R3HDM2: variants seen among roughly 807,000 people sequenced by gnomAD.
R3HDM2 encodes the protein R3H domain containing 2, also known as R3H domain-containing protein 2.
R3HDM2 carries 38 observed loss-of-function variants against 124.5 expected under a neutral mutation model. The observed-to-expected ratio is 0.31, with a 90% CI of 0.24 to 0.40. The LOEUF is 0.40. Among genes scored for constraint, R3HDM2 ranks in the 10% least tolerant of loss-of-function variants. R3HDM2 has a pLI of 1.00. For missense variants in R3HDM2, 869 were observed against 1,236.9 expected, an observed-to-expected ratio of 0.70 and a Z score of 4.46; for synonymous variants, 391 against 448.0, an observed-to-expected ratio of 0.87 and a Z score of 1.61.
At chr12:57,267,078 C>T (rs1565872077) in intron 18 of R3HDM2, among the ~76,000 whole-genome samples, 1 of 152,208 alleles carries the variant, frequency 6.6e-6, no homozygotes, top group Non-Finnish European at 1.5e-5. Context: ...GTTAGTGACA[C>T]ATGCTCTTCC....
At chr12:57,429,685 T>G (rs539553444) in intron 1 of R3HDM2, among the ~76,000 whole-genome samples, 11 of 146,960 alleles carry the variant, frequency 7.5e-5, no homozygotes, top group Non-Finnish European at 1.2e-4. Flanking sequence ...TACACTCCAT[T>G]CTGGGTGACA....
chr12:57,297,654 CAT>C (rs1362256255), intron 7 of R3HDM2: 3 of 386,800 alleles, frequency 7.8e-6, no homozygotes, highest in African/African-American at 2.1e-5. Context: ...CTGTTAACAA[CAT>C]ATTCATATAA....
chr12:57,256,919 G>C (rs892702443), intron 21 of R3HDM2, among the ~76,000 whole-genome samples: 1 of 151,666 alleles, frequency 6.6e-6, no homozygotes. Flanking sequence ...CCTGGGAAGC[G>C]ATTCTCCTGC....
At chr12:57,329,114 C>T (rs1384424522) in intron 2 of R3HDM2, among the ~76,000 whole-genome samples, 2 of 152,050 alleles carry the variant, frequency 1.3e-5, no homozygotes, top group Non-Finnish European at 2.9e-5. Context: ...ACTATCTCAA[C>T]ATCCTGGAGC....
intron 13 of R3HDM2, 64 bp downstream of exon 13, chr12:57,283,759 TG>T (rs1306714617): frequency 1.4e-6 from 2 of 1,474,562 alleles, no homozygotes; most frequent in Non-Finnish European, 1.9e-6. Context: ...TAAATATCAG[TG>T]ATGTTTCACA....
chr12:57,355,232 C>T (rs984732849), intron 2 of R3HDM2, among the ~76,000 whole-genome samples: 2 of 151,074 alleles, frequency 1.3e-5, no homozygotes, highest in Non-Finnish European at 3.0e-5. Flanking sequence ...CCGAGGCGGG[C>T]GGATCACGAG....
chr12:57,381,736 AGTGAG>A (rs2064910240), intron 2 of R3HDM2, among the ~76,000 whole-genome samples: 1 of 152,102 alleles, frequency 6.6e-6, no homozygotes, highest in Non-Finnish European at 1.5e-5. Flanking sequence ...TTCACAGGAA[AGTGAG>A]AATTAGGTGG....
At chr12:57,400,426 C>A (rs1165624308) in intron 1 of R3HDM2, among the ~76,000 whole-genome samples, 7 of 151,218 alleles carry the variant, frequency 4.6e-5, no homozygotes, top group Non-Finnish European at 1.0e-4. Flanking sequence ...CACACCGGGG[C>A]CTGTTGTGGG....
chr12:57,283,967 C>T lies in R3HDM2; in HGVS notation c.1028G>A (p.Ser343Asn), dbSNP rs750578485. The change falls in exon 13 of 24, where the codon AGC (serine) becomes AAC (asparagine). Residue 343 changes from serine to asparagine, a missense_variant. This residue lies in a region of R3HDM2 where 267 missense variants were observed against 447.7 expected (regional missense o/e 0.60). Transcript: ENST00000402412. ...GACAGAGCCATCAGAGTCTGTGCTG[C>T]TCCAAGGGCGTGGCTCCAGGGATTT... ...ELKSLEPRPW[S>N]STDSDGSVRS... 1 of 1,614,150 alleles carries T rather than the reference C, an allele frequency of 6.2e-7. No individual in the cohort carries two copies. The highest frequency in any genetic ancestry group is 8.5e-7 in the Non-Finnish European group (1 of 1,180,024).
rs775839017 is a variant in R3HDM2, at chr12:57,371,083, C to CTTTTTTTTTTTTTTTTT, written c.-36+24649_-36+24665dup. Among the ~76,000 whole-genome samples the CTTTTTTTTTTTTTTTTT allele has an allele frequency of 3.9e-4, 16 of 40,898 alleles. 4 individuals carry two copies. Among genetic ancestry groups the CTTTTTTTTTTTTTTTTT allele is most frequent in the Non-Finnish European group, 5.7e-4 (13 of 22,794 alleles). 26.8% of individuals were successfully genotyped at this position (40,898 alleles called of 152,430 possible). On this transcript the variant is annotated intron_variant, in intron 2 of 23. Transcript: ENST00000402412. ...AATGGGAACCAAATATATACCATTA[C>CTTTTTTTTTTTTTTTTT]TTTTTTTTTTTTTTTTTTTTTTTTT... is the stretch of plus-strand genomic sequence containing the variant.
intron 2 of R3HDM2, among the ~76,000 whole-genome samples, chr12:57,373,490 C>T (rs759859556): frequency 5.9e-5 from 9 of 151,344 alleles, no homozygotes; most frequent in Non-Finnish European, 1.3e-4. Flanking sequence ...CAGAGCAAGA[C>T]TCCGTCTCAC....
At chr12:57,345,488 A>G (rs1418279503) in intron 2 of R3HDM2, among the ~76,000 whole-genome samples, 2 of 145,680 alleles carry the variant, frequency 1.4e-5, no homozygotes, top group Non-Finnish European at 3.0e-5. Flanking sequence ...AAATGGCTTC[A>G]TATTTCTTTT....
chr12:57,360,463 C>T (rs1003621116), intron 2 of R3HDM2, among the ~76,000 whole-genome samples: 23 of 151,902 alleles, frequency 1.5e-4, no homozygotes, highest in African/African-American at 5.1e-4. Context: ...GTGAGACCCC[C>T]ATCTCTAAAA....
intron 1 of R3HDM2, among the ~76,000 whole-genome samples, chr12:57,407,382 A>G (rs2068622795): frequency 6.6e-6 from 1 of 152,042 alleles, no homozygotes; most frequent in Non-Finnish European, 1.5e-5. Flanking sequence ...TGAACACCAG[A>G]TATTTAATAT....
intron 1 of R3HDM2, among the ~76,000 whole-genome samples, chr12:57,405,353 T>G (rs2068432358): frequency 6.6e-6 from 1 of 152,220 alleles, no homozygotes; most frequent in African/African-American, 2.4e-5. Context: ...AAGGAAAACC[T>G]ACTGGCTGGG....
chr12:57,260,284 A>AAAAAAAAAAAAAAAAAAAAC (rs2040423380), intron 19 of R3HDM2, among the ~76,000 whole-genome samples: 4 of 147,348 alleles, frequency 2.7e-5, no homozygotes, highest in Non-Finnish European at 4.5e-5. Context: ...AAAAAAAAAA[A>AAAAAAAAAAAAAAAAAAAAC]AGCCTGCTGA....
chr12:57,271,431 C>T (rs1273167069), intron 14 of R3HDM2, among the ~76,000 whole-genome samples: 3 of 142,632 alleles, frequency 2.1e-5, no homozygotes, highest in Non-Finnish European at 4.6e-5. Context: ...GCTCCCTGGA[C>T]AGTAATACAC....
Position 57,268,448 on chromosome 12 carries a change from C to T in R3HDM2, c.1885G>A (p.Gly629Ser). ...TGGACCACATTTTGCGAGTCACTAC[C>T]CACTGGAACCTGGGTGAGAAAGAGA... is the stretch of plus-strand genomic sequence containing the variant. ...TPLPSYQVPV[G>S]SDSQNVVQPP... Residue 629 changes from glycine (G) to serine (S), a missense_variant, in exon 18 of 24, where the codon GGT becomes AGT. By Grantham distance (56) the Gly-to-Ser change is moderately conservative (BLOSUM62 0). Around this residue, in one of 2 missense-constraint regions of R3HDM2, gnomAD observed 602 missense variants for 789.2 expected, o/e 0.76. Transcript: ENST00000402412. 1 of 1,613,884 alleles carries T rather than the reference C, an allele frequency of 6.2e-7. No homozygotes were observed. Among genetic ancestry groups the T allele is most frequent in the Non-Finnish European group, 8.5e-7 (1 of 1,179,910 alleles).
At position 57,256,495 on chromosome 12, in the gene R3HDM2, G is replaced by C. The variant is rs767645532; in HGVS notation, c.2466C>G (p.Ser822=). ...GGPAQGDGRY[S]LLGQPLQYNL... is the part of the protein sequence containing the mutation. ...TGTACTGTAATGGCTGGCCCAAAAG[G>C]GAGTAGCGCCCATCACCTAGGGAGT... is the stretch of plus-strand genomic sequence containing the variant. Residue 822 remains serine (S), a synonymous_variant, in exon 22 of 24, where the codon TCC becomes TCG. Transcript: ENST00000402412. The C allele has an allele frequency of 3.2e-6, 5 of 1,586,254 alleles. No homozygotes were observed. The Admixed American group carries it at 7.2e-5, about 23-fold the overall frequency.
Sources: gnomAD v4.1 joint callset for allele counts (sites outside exome capture counted in the v4.1 genomes callset) on GRCh38, gnomAD v4.1.1 for gene constraint, gnomAD v4.1.1 regional missense constraint, MANE v1.5 for transcripts, NCBI Gene and HGNC (gene_info 2026-07-23, HGNC 2026-07-21) for gene names.